Variants in MAN1C1 observed in about 807,000 individuals in gnomAD.
MAN1C1 encodes the protein mannosidase alpha class 1C member 1.
In MAN1C1, 49 loss-of-function variants were observed where a neutral mutation model predicts 71.5. The observed-to-expected ratio is 0.69, with a 90% CI of 0.54 to 0.87. The LOEUF is 0.87. MAN1C1 is among the 40% of genes least tolerant of loss of function. MAN1C1 has a pLI of 0.00. For synonymous variants in MAN1C1, 352 were observed against 343.7 expected (o/e 1.02, Z -0.27); for missense variants, 743 against 835.0 (o/e 0.89, Z 1.36).
chr1:25,626,511 A>G (rs1329154937), intron 1 of MAN1C1, among the ~76,000 whole-genome samples: 3 of 151,946 alleles, frequency 2.0e-5, no homozygotes, highest in Non-Finnish European at 4.4e-5. Context: ...GGTGTCCGCC[A>G]CCACGCCTGG....
At chr1:25,771,821 G>GCTCT in intron 8 of MAN1C1, 49 bp downstream of exon 8, 1 of 1,479,796 alleles carries the variant, frequency 6.8e-7, no homozygotes, top group Non-Finnish European at 9.4e-7. Flanking sequence ...CCAGCCCCCG[G>GCTCT]CTCTCTCACG....
chr1:25,684,055 T>C (rs2046193541), intron 1 of MAN1C1, among the ~76,000 whole-genome samples: 1 of 152,204 alleles, frequency 6.6e-6, no homozygotes, highest in African/African-American at 2.4e-5. Flanking sequence ...TTCTCGTAGT[T>C]ACTCTGGAAC....
intron 1 of MAN1C1, among the ~76,000 whole-genome samples, chr1:25,684,376 G>T (rs983062682): frequency 1.3e-5 from 2 of 152,184 alleles, no homozygotes; most frequent in Admixed American, 1.3e-4. Flanking sequence ...CCAAGCCCTT[G>T]GCTGTGTTAC....
At chr1:25,757,891 T>C (rs1481392610) in intron 5 of MAN1C1, among the ~76,000 whole-genome samples, 1 of 152,242 alleles carries the variant, frequency 6.6e-6, no homozygotes. Context: ...GGGACATCAC[T>C]GTCCTGTGCC....
In MAN1C1 at chr1:25,711,445, G is replaced by A. The variant is rs994290440; in HGVS notation, c.637+24909G>A. Among the ~76,000 whole-genome samples the A allele has an allele frequency of 1.3e-5, 2 of 152,226 alleles. No homozygotes were observed. Among genetic ancestry groups the A allele is most frequent in the Admixed American group, 6.5e-5 (1 of 15,282 alleles). ...GGATGGGTCAGTGTGGGAGAAAGAA[G>A]TTGAATTCTCATCTCCTCAGGCCAA... On this transcript the variant is annotated intron_variant, in intron 2 of 11. Coordinates refer to ENST00000374332, the MANE Select transcript of MAN1C1 (RefSeq NM_020379.4). The surrounding 1 kb of genome is among the most constrained non-coding windows in gnomAD (Gnocchi z 4.3).
intron 1 of MAN1C1, among the ~76,000 whole-genome samples, chr1:25,637,161 A>G (rs576757496): frequency 6.8e-6 from 1 of 146,114 alleles, no homozygotes; most frequent in Non-Finnish European, 1.5e-5. Context: ...CTCAAAAAAA[A>G]AAATTAAATT....
At chr1:25,714,717 C>T (rs2046657633) in intron 2 of MAN1C1, among the ~76,000 whole-genome samples, 1 of 152,202 alleles carries the variant, frequency 6.6e-6, no homozygotes, top group Non-Finnish European at 1.5e-5. Flanking sequence ...GATTGGTTTA[C>T]AATGTCACAT....
chr1:25,752,046 C>T (rs1167790587), intron 4 of MAN1C1, among the ~76,000 whole-genome samples: 1 of 152,136 alleles, frequency 6.6e-6, no homozygotes, highest in Non-Finnish European at 1.5e-5. Context: ...GGGCTGAGGC[C>T]TTTCTTTGCT....
At chr1:25,662,150 A>G (rs961730279) in intron 1 of MAN1C1, among the ~76,000 whole-genome samples, 5 of 152,208 alleles carry the variant, frequency 3.3e-5, no homozygotes, top group African/African-American at 7.2e-5. Context: ...ATTGATGTCT[A>G]TCTCTCTCAC....
At chr1:25,717,653 G>T (rs2046700411) in intron 2 of MAN1C1, among the ~76,000 whole-genome samples, 1 of 148,268 alleles carries the variant, frequency 6.7e-6, no homozygotes, top group African/African-American at 2.5e-5. Context: ...TCGGCTCACT[G>T]CAGCCTCCGC....
chr1:25,709,316 G>A (rs1003690507), intron 2 of MAN1C1, among the ~76,000 whole-genome samples: 3 of 152,182 alleles, frequency 2.0e-5, no homozygotes, highest in African/African-American at 7.2e-5. Context: ...GTCCAGCAGG[G>A]CCACCTACTT....
chr1:25,764,543 G>T lies in MAN1C1; in HGVS notation c.1141+576G>T, dbSNP rs2047403131. Among the ~76,000 whole-genome samples the T allele has an allele frequency of 6.6e-6, 1 of 151,952 alleles. No individual in the cohort carries two copies. Among genetic ancestry groups the T allele is most frequent in the African/African-American group, 2.4e-5 (1 of 41,378 alleles). ...TTCTCCTGACTCAGCCACCCGAGTA[G>T]CTGGGACTACAAGCATGTGCCACCA... On this transcript the variant is annotated intron_variant, in intron 7 of 11. Coordinates refer to ENST00000374332, the MANE Select transcript of MAN1C1 (RefSeq NM_020379.4). The surrounding 1 kb of genome is among the most constrained non-coding windows in gnomAD (Gnocchi z 4.4).
At chr1:25,674,217 T>C (rs1390634552) in intron 1 of MAN1C1, among the ~76,000 whole-genome samples, 3 of 152,228 alleles carry the variant, frequency 2.0e-5, no homozygotes, top group African/African-American at 7.2e-5. Context: ...GTCCCTTTAT[T>C]GGGCCTTTGA....
chr1:25,743,232 C>T (rs896589691), intron 2 of MAN1C1, among the ~76,000 whole-genome samples: 6 of 152,224 alleles, frequency 3.9e-5, no homozygotes, highest in African/African-American at 1.4e-4. Flanking sequence ...TCTAAGACAC[C>T]TCACTGCCTT....
intron 1 of MAN1C1, among the ~76,000 whole-genome samples, chr1:25,636,531 A>C (rs2045463564): frequency 6.6e-6 from 1 of 152,208 alleles, no homozygotes; most frequent in Admixed American, 6.5e-5. Flanking sequence ...ATTTTGCCCA[A>C]CCCTGCAGGC....
chr1:25,634,958 T>C lies in MAN1C1; in HGVS notation c.540+16621T>C, dbSNP rs1277203386. 2.0e-5 allele frequency among the ~76,000 whole-genome samples: 3 copies of C among 152,094 alleles called. No individual in the cohort carries two copies. The highest frequency in any genetic ancestry group is 7.2e-5 in the African/African-American group (3 of 41,434). ...ATAGTTTTTTTTTTTGTAAATCCTT[T>C]GTCTGGTTTTTGGTGTCAACATTAT... On this transcript the variant is annotated intron_variant, in intron 1 of 11. Transcript: ENST00000374332. This position sits in a 1 kb window ranked among gnomAD's most constrained non-coding sequence, Gnocchi z 4.6.
chr1:25,617,736 C>A lies in MAN1C1; in HGVS notation c.-62C>A. ...CGGCGCTCCGGACGCCCTCCCCTCA[C>A]CGCGCCCCCGCAGACACGTGCCTGG... is the stretch of plus-strand genomic sequence containing the variant. On this transcript the variant is annotated 5_prime_UTR_variant, in exon 1 of 12. Transcript: ENST00000374332. This position sits in a 1 kb window ranked among gnomAD's most constrained non-coding sequence, Gnocchi z 5.1. 6.8e-7 allele frequency: 1 copy of A among 1,477,070 alleles called. No individual in the cohort carries two copies. Among genetic ancestry groups the A allele is most frequent in the Non-Finnish European group, 9.0e-7 (1 of 1,116,528 alleles). 91.5% of individuals were successfully genotyped at this position (1,477,070 alleles called of 1,614,324 possible).
chr1:25,697,593 GGTAGCTCTACAT>G (rs2046385112), intron 2 of MAN1C1, among the ~76,000 whole-genome samples: 2 of 152,176 alleles, frequency 1.3e-5, no homozygotes, highest in Admixed American at 6.5e-5. Flanking sequence ...TGGCTCTTTT[GGTAGCTCTACAT>G]GTAACTTTTT....
intron 1 of MAN1C1, among the ~76,000 whole-genome samples, chr1:25,682,033 A>G (rs1279924046): frequency 1.3e-5 from 2 of 152,092 alleles, no homozygotes; most frequent in African/African-American, 2.4e-5. Flanking sequence ...GTCTTTCACA[A>G]TATCTTGGTG....
Sources: gnomAD v4.1 joint callset for allele counts (sites outside exome capture counted in the v4.1 genomes callset) on GRCh38, gnomAD v4.1.1 for gene constraint, Gnocchi (gnomAD v3.1) non-coding constraint, MANE v1.5 for transcripts, NCBI Gene and HGNC (gene_info 2026-07-23, HGNC 2026-07-21) for gene names.